The following PRKDC variants were observed in gnomAD, a reference collection of about 807,000 sequenced individuals.
The protein encoded by PRKDC is DNA-dependent protein kinase catalytic subunit.
In PRKDC, 82 loss-of-function variants were observed where a neutral mutation model predicts 486.9. That is an observed-to-expected ratio of 0.17 (90% confidence interval 0.14 to 0.20). PRKDC has a LOEUF of 0.20. PRKDC is among the 10% of genes least tolerant of loss of function. PRKDC has a pLI of 1.00. For synonymous variants in PRKDC, 1,895 were observed against 1,837.0 expected, an observed-to-expected ratio of 1.03 and a Z score of -0.81; for missense variants, 4,504 against 5,038.2, an observed-to-expected ratio of 0.89 and a Z score of 3.21.
intron 3 of PRKDC, among the ~76,000 whole-genome samples, chr8:47,956,408 A>G (rs899876483): frequency 3.3e-5 from 5 of 151,656 alleles, no homozygotes; most frequent in African/African-American, 9.7e-5. Context: ...TCATGCCTGT[A>G]ATCCCTTTGA....
At chr8:47,858,714 CA>C in intron 47 of PRKDC, 79 bp from the exon 48 acceptor site, 1 of 1,435,166 alleles carries the variant, frequency 7.0e-7, no homozygotes, top group Non-Finnish European at 9.2e-7. Context: ...AAAACAAGGA[CA>C]AAGTAAGACA....
chr8:47,876,483 G>A (rs2089094464), intron 40 of PRKDC, among the ~76,000 whole-genome samples: 1 of 151,954 alleles, frequency 6.6e-6, no homozygotes, highest in Admixed American at 6.6e-5. Flanking sequence ...CCAACATGGT[G>A]AGACCCCGTC....
intron 30 of PRKDC, among the ~76,000 whole-genome samples, chr8:47,895,711 A>T (rs75948712): frequency 2.0e-5 from 3 of 149,476 alleles, no homozygotes; most frequent in East Asian, 3.9e-4. Flanking sequence ...CTTAACATAT[A>T]AAAAAAAAAG....
chr8:47,912,384 A>G, intron 25 of PRKDC, 26 bp downstream of exon 25: 2 of 1,487,256 alleles, frequency 1.3e-6, no homozygotes, highest in Non-Finnish European at 1.8e-6. Context: ...GAAATTTTAC[A>G]ACTATTTCAG....
At position 47,820,888 on chromosome 8, in the gene PRKDC, T is replaced by G; in HGVS notation, c.9167A>C (p.Glu3056Ala). 2 of 1,610,128 alleles carry G rather than the reference T, an allele frequency of 1.2e-6. No individual in the cohort carries two copies. The highest frequency in any genetic ancestry group is 1.7e-6 in the Non-Finnish European group (2 of 1,177,456). Residue 3056 changes from glutamate to alanine, a missense_variant, in exon 66 of 86, where the codon GAG (glutamate) becomes GCG (alanine). By Grantham distance (107) the Glu-to-Ala change is moderately radical. Transcript: ENST00000314191. ...AAATGTCAGCAGGGACTGGTCAGCC[T>G]CTCCCTGGAGCAGCAGCTTCAGCTT... ...RSKLKLLLQG[E>A]ADQSLLTFID...
intron 68 of PRKDC, among the ~76,000 whole-genome samples, chr8:47,812,005 G>T (rs773826991): frequency 2.4e-4 from 37 of 152,116 alleles, no homozygotes; most frequent in Non-Finnish European, 4.7e-4. Context: ...ACCGTGGCAT[G>T]TGTATACCTA....
chr8:47,887,287 A>G (rs1484555864), intron 35 of PRKDC, among the ~76,000 whole-genome samples: 1 of 152,234 alleles, frequency 6.6e-6, no homozygotes, highest in South Asian at 2.1e-4. Context: ...ATAGTCACAA[A>G]ACGTTCTCTA....
intron 70 of PRKDC, among the ~76,000 whole-genome samples, chr8:47,802,147 G>A (rs983240291): frequency 6.6e-6 from 1 of 152,070 alleles, no homozygotes; most frequent in Non-Finnish European, 1.5e-5. Context: ...CACAATCATG[G>A]CTCACTGCAG....
chr8:47,957,542 G>T, intron 1 of PRKDC, 111 bp from the exon 2 acceptor site: 1 of 899,588 alleles, frequency 1.1e-6, no homozygotes, highest in Non-Finnish European at 1.7e-6. Flanking sequence ...ATGGAGTCTC[G>T]CTCTGTCGCC....
intron 54 of PRKDC, among the ~76,000 whole-genome samples, chr8:47,847,055 T>C (rs537348150): frequency 6.6e-6 from 1 of 152,214 alleles, no homozygotes; most frequent in Non-Finnish European, 1.5e-5. Context: ...ATTGTTAGAA[T>C]AGCCATTCTG....
At chr8:47,835,646 A>AG (rs1337634687) in intron 58 of PRKDC, among the ~76,000 whole-genome samples, 8 of 150,694 alleles carry the variant, frequency 5.3e-5, no homozygotes, top group Non-Finnish European at 1.2e-4. Flanking sequence ...AAAAAAAAAA[A>AG]AAAGGAAAAT....
intron 54 of PRKDC, among the ~76,000 whole-genome samples, chr8:47,844,285 T>TA (rs1478281832): frequency 6.6e-6 from 1 of 152,024 alleles, no homozygotes; most frequent in African/African-American, 2.4e-5. Context: ...CAACAATAGT[T>TA]AAAAAGGACA....
In PRKDC at chr8:47,935,722, G is replaced by C. The variant is rs532376178; in HGVS notation, c.1447+10C>G. 35 of 1,610,472 alleles carry C rather than the reference G, an allele frequency of 2.2e-5. No individual in the cohort carries two copies. The highest frequency in any genetic ancestry group is 2.9e-5 in the Non-Finnish European group (34 of 1,177,880). On this transcript the variant is annotated intron_variant, in intron 13 of 85. Transcript: ENST00000314191. ...TCATTACTCATAAATACAATAAATT[G>C]CAAACTTACCCACAGTACTAATGCA...
chr8:47,821,939 G>C, intron 64 of PRKDC, 147 bp from the exon 65 acceptor site: 1 of 816,216 alleles, frequency 1.2e-6, no homozygotes, highest in Non-Finnish European at 1.8e-6. Context: ...GCTATTCAGA[G>C]TAACACTGAA....
rs1024823813 is a variant in PRKDC, at chr8:47,887,590, A to C, written c.4529T>G (p.Leu1510Arg). 1 of 1,597,078 alleles carries C rather than the reference A, an allele frequency of 6.3e-7. No homozygotes were observed. Among genetic ancestry groups the C allele is most frequent in the Non-Finnish European group, 8.5e-7 (1 of 1,171,800 alleles). ...LPSLDLSCKQ[L>R]ASGLLELAFA... ...GGCTAACTCCAGAAGTCCGCTGGCC[A>C]GCTGCTTACAACTGAGGTCTAGAGA... Residue 1510 changes from leucine to arginine, a missense_variant, in exon 35 of 86, where the codon CTG becomes CGG. Leu to Arg is a moderately radical substitution (Grantham distance 102). Transcript: ENST00000314191.
intron 45 of PRKDC, among the ~76,000 whole-genome samples, chr8:47,860,386 G>A (rs1358738424): frequency 6.6e-6 from 1 of 152,168 alleles, no homozygotes; most frequent in Non-Finnish European, 1.5e-5. Flanking sequence ...CAGGCCTGGC[G>A]CCTACAAGGC....
intron 11 of PRKDC, among the ~76,000 whole-genome samples, chr8:47,937,886 G>A (rs1187083566): frequency 2.0e-5 from 3 of 152,128 alleles, no homozygotes; most frequent in African/African-American, 7.2e-5. Context: ...GGACTGAGGC[G>A]GGAGGTTTGC....
intron 31 of PRKDC, among the ~76,000 whole-genome samples, chr8:47,892,059 G>A (rs1157946005): frequency 3.9e-5 from 6 of 152,072 alleles, no homozygotes; most frequent in African/African-American, 9.6e-5. Flanking sequence ...TGGTAGATAC[G>A]GGATTTCGCC....
intron 7 of PRKDC, among the ~76,000 whole-genome samples, chr8:47,948,651 G>A (rs111577777): frequency 0.015 from 2,295 of 151,142 alleles, 38 homozygotes; most frequent in African/African-American, 0.052. Flanking sequence ...TAGTAGAGAC[G>A]GGGTTTCTCC....
Sources: allele counts gnomAD v4.1 joint callset (sites outside exome capture counted in the v4.1 genomes callset), GRCh38; gene constraint gnomAD v4.1.1; transcripts MANE v1.5; gene names NCBI Gene and HGNC (gene_info 2026-07-23, HGNC 2026-07-21).